CSMD1: variants seen among roughly 807,000 people sequenced by gnomAD.
CSMD1 encodes CUB and sushi domain-containing protein 1.
Under a neutral mutation model 417.5 loss-of-function variants are expected in CSMD1, and 213 were observed. The observed-to-expected ratio is 0.51, with a 90% CI of 0.46 to 0.57. The LOEUF (loss-of-function observed/expected upper bound fraction) is 0.57, where lower values mean the gene tolerates loss of function less well. CSMD1 is among the 20% of genes least tolerant of loss of function. The pLI, the probability that CSMD1 is intolerant of heterozygous loss-of-function variation, is 0.00. For synonymous variants in CSMD1, 2,862 were observed against 1,736.8 expected (o/e 1.65, Z -16.11); for missense variants, 6,923 against 4,529.7 (o/e 1.53, Z -15.17).
chr8:3,445,639 C>G (rs780035810), intron 12 of CSMD1, among the ~76,000 whole-genome samples: 2 of 151,992 alleles, frequency 1.3e-5, no homozygotes, highest in Non-Finnish European at 2.9e-5. Flanking sequence ...ACTTGGGAGA[C>G]AGCTGTAATA....
chr8:3,182,639 T>C (rs1480949154), intron 36 of CSMD1, among the ~76,000 whole-genome samples: 2 of 63,820 alleles, frequency 3.1e-5, no homozygotes, highest in Non-Finnish European at 6.8e-5. Context: ...TGTGTATTGT[T>C]AGTAGAGAAG....
At chr8:4,405,611 A>C (rs1346461333) in intron 3 of CSMD1, among the ~76,000 whole-genome samples, 1 of 152,212 alleles carries the variant, frequency 6.6e-6, no homozygotes, top group Non-Finnish European at 1.5e-5. Flanking sequence ...CAATCAAAAA[A>C]GAAAAAAAGA....
intron 1 of CSMD1, among the ~76,000 whole-genome samples, chr8:4,761,047 G>A (rs566462603): frequency 3.9e-5 from 6 of 152,012 alleles, no homozygotes; most frequent in Non-Finnish European, 5.9e-5. Flanking sequence ...GTTGTATCTC[G>A]GAGCCCAGAG....
intron 1 of CSMD1, among the ~76,000 whole-genome samples, chr8:4,976,661 A>G (rs757759040): frequency 6.6e-6 from 1 of 152,150 alleles, no homozygotes; most frequent in Non-Finnish European, 1.5e-5. Flanking sequence ...TCCACCCTAA[A>G]TAGGATGAGA....
chr8:4,579,897 G>A (rs528001252), intron 2 of CSMD1, among the ~76,000 whole-genome samples: 15 of 152,162 alleles, frequency 9.9e-5, no homozygotes, highest in African/African-American at 3.6e-4. Context: ...TCTTATAAGG[G>A]TATAATTAAG....
chr8:3,852,651 C>G (rs2975380), intron 5 of CSMD1, among the ~76,000 whole-genome samples: 55,308 of 151,774 alleles, frequency 0.36, 11,321 homozygotes, highest in African/African-American at 0.54. Context: ...CAAGGGGAAA[C>G]TGAGGCAGGC....
intron 1 of CSMD1, among the ~76,000 whole-genome samples, chr8:4,746,128 G>A (rs1810935635): frequency 6.6e-6 from 1 of 152,132 alleles, no homozygotes; most frequent in Non-Finnish European, 1.5e-5. Flanking sequence ...GTTAAATTAA[G>A]CCCTCTTTGG....
intron 10 of CSMD1, among the ~76,000 whole-genome samples, chr8:3,567,446 A>C (rs1479566685): frequency 2.6e-5 from 4 of 151,738 alleles, no homozygotes; most frequent in Non-Finnish European, 5.9e-5. Flanking sequence ...ATAAAAATAA[A>C]AATATAAATG....
chr8:4,637,965 C>T (rs533051247), intron 1 of CSMD1, among the ~76,000 whole-genome samples: 1 of 152,090 alleles, frequency 6.6e-6, no homozygotes, highest in East Asian at 1.9e-4. Flanking sequence ...CCACCGCGCC[C>T]GGCCTAGCCA....
chr8:4,011,463 G>A (rs1020337581), intron 4 of CSMD1, among the ~76,000 whole-genome samples: 4 of 152,070 alleles, frequency 2.6e-5, no homozygotes, highest in East Asian at 1.9e-4. Flanking sequence ...CACATTTGCG[G>A]TCTTTAACCT....
chr8:4,658,942 G>A (rs1226158635), intron 1 of CSMD1, among the ~76,000 whole-genome samples: 1 of 152,084 alleles, frequency 6.6e-6, no homozygotes, highest in Non-Finnish European at 1.5e-5. Context: ...AGATTGTTAT[G>A]ATTTTAGGAT....
chr8:4,488,194 T>A (rs1801511993), intron 2 of CSMD1, among the ~76,000 whole-genome samples: 2 of 152,232 alleles, frequency 1.3e-5, no homozygotes, highest in Non-Finnish European at 2.9e-5. Context: ...AATAAGTTTA[T>A]GTTGTTTATA....
intron 5 of CSMD1, among the ~76,000 whole-genome samples, chr8:3,910,675 T>C (rs549349868): frequency 6.6e-6 from 1 of 152,274 alleles, no homozygotes; most frequent in Non-Finnish European, 1.5e-5. Context: ...AAATCTATAA[T>C]CTATTTTCCC....
intron 8 of CSMD1, among the ~76,000 whole-genome samples, chr8:3,599,543 C>A (rs1223292007): frequency 1.3e-5 from 2 of 152,188 alleles, no homozygotes; most frequent in Non-Finnish European, 2.9e-5. Flanking sequence ...GCATTGTTAA[C>A]CCCCACACAG....
chr8:4,454,700 C>A (rs371800876), intron 2 of CSMD1, among the ~76,000 whole-genome samples: 1 of 152,154 alleles, frequency 6.6e-6, no homozygotes, highest in African/African-American at 2.4e-5. Context: ...AGCAGCTAAT[C>A]AACCTGAAAC....
At chr8:4,344,760 G>A (rs577515568) in intron 3 of CSMD1, among the ~76,000 whole-genome samples, 74 of 152,102 alleles carry the variant, frequency 4.9e-4, no homozygotes, top group Admixed American at 2.6e-3. Context: ...ACATTTCACC[G>A]TTGTAGATAA....
chr8:4,370,496 C>A (rs1224085719), intron 3 of CSMD1, among the ~76,000 whole-genome samples: 4 of 152,186 alleles, frequency 2.6e-5, no homozygotes, highest in Non-Finnish European at 5.9e-5. Context: ...CCTAATGGGA[C>A]TGGAAGGATT....
chr8:3,368,411 A>G (rs13252012), intron 19 of CSMD1, among the ~76,000 whole-genome samples: 36,274 of 152,070 alleles, frequency 0.24, 4,427 homozygotes, highest in African/African-American at 0.3. Flanking sequence ...ATCTCAGCTC[A>G]CTGCAACTTC....
rs58903293 is a variant in CSMD1 at position 3,144,803 on chromosome 8, G to GGGGGA, written c.6032-2130_6032-2129insTCCCC. 1.1e-3 allele frequency among the ~76,000 whole-genome samples: 150 copies of GGGGGA among 131,452 alleles called. 2 individuals carry two copies. Among genetic ancestry groups the GGGGGA allele is most frequent in the African/African-American group, 4.4e-3 (145 of 33,102 alleles). 86.2% of individuals were successfully genotyped at this position (131,452 alleles called of 152,430 possible). A position where few individuals can be genotyped will look rare whatever the true frequency, so the allele number is the denominator to read the frequency against. ...AGAGAAAGAGGCAACAAGGGGGGGG[G>GGGGGA]GGAGGGAGGGAGGGAGAAGGGGTAA... On this transcript the variant is annotated intron_variant, in intron 40 of 69. Transcript: ENST00000635120.
Sources: gnomAD v4.1 joint callset for allele counts (sites outside exome capture counted in the v4.1 genomes callset) on GRCh38, gnomAD v4.1.1 for gene constraint, MANE v1.5 for transcripts, NCBI Gene and HGNC (gene_info 2026-07-23, HGNC 2026-07-21) for gene names.